The following LMO7 variants were observed in gnomAD, a reference collection of about 807,000 sequenced individuals.
LMO7 encodes the protein LIM domain only protein 7.
LMO7 carries 120 observed loss-of-function variants against 206.5 expected under a neutral mutation model. That is an observed-to-expected ratio of 0.58 (90% CI 0.50 to 0.68). The LOEUF is 0.68. Ranked by LOEUF, LMO7 falls within the 30% of genes least tolerant of loss-of-function variation. The probability of loss-of-function intolerance (pLI) is 0.00; values close to 1 mark genes in which losing one functional copy is unlikely to be tolerated. For synonymous variants in LMO7, 706 were observed against 681.5 expected, an observed-to-expected ratio of 1.04 and a Z score of -0.56; for missense variants, 1,959 against 1,957.9, an observed-to-expected ratio of 1.00 and a Z score of -0.01.
chr13:75,716,479 C>A (rs1349453613), intron 2 of LMO7, among the ~76,000 whole-genome samples: 1 of 151,990 alleles, frequency 6.6e-6, no homozygotes, highest in Non-Finnish European at 1.5e-5. Flanking sequence ...AAGGAATACT[C>A]CCTTGATGAA....
At chr13:75,649,954 C>A (rs2139121616) in intron 1 of LMO7, among the ~76,000 whole-genome samples, 1 of 152,152 alleles carries the variant, frequency 6.6e-6, no homozygotes, top group Admixed American at 6.5e-5. Flanking sequence ...TCTCTTATGT[C>A]CCCAGGGTTT....
chr13:75,775,388 A>G (rs568157543), intron 4 of LMO7, among the ~76,000 whole-genome samples: 9 of 152,276 alleles, frequency 5.9e-5, no homozygotes, highest in Non-Finnish European at 1.2e-4. Flanking sequence ...TCTTCTGGAC[A>G]TTGGTCCAGG....
chr13:75,819,441 C>T lies in LMO7; in HGVS notation c.2113C>T (p.Gln705Ter). The change falls in exon 13 of 31, where the codon CAG becomes TAG. Residue 705 changes from glutamine (Q) to a stop codon, truncating the protein, a stop_gained. Coordinates refer to ENST00000377534, the MANE Select transcript of LMO7 (RefSeq NM_001306080.2). LOFTEE classifies it high-confidence loss of function. ...DRRKSYTSDL[Q>*]KKKEEREEIE... Reference sequence around the variant, plus strand: ...TCGAAAAAGTTACACTTCAGATCTGCAGAAGAAAAAAGAAGAGAGAGAAGA... The same window carrying T: ...TCGAAAAAGTTACACTTCAGATCTGTAGAAGAAAAAAGAAGAGAGAGAAGA... 1 of 1,612,204 alleles carries T rather than the reference C, an allele frequency of 6.2e-7. No homozygotes were observed. The highest frequency in any genetic ancestry group is 8.5e-7 in the Non-Finnish European group (1 of 1,179,474).
chr13:75,717,403 C>T (rs1050171549), intron 2 of LMO7, among the ~76,000 whole-genome samples: 18 of 149,710 alleles, frequency 1.2e-4, no homozygotes, highest in South Asian at 1.1e-3. Context: ...AAAAACACAA[C>T]TCTTCTCTCA....
chr13:75,751,149 CTTTTTTTTTTTTTTTTT>C (rs57976279), intron 3 of LMO7, among the ~76,000 whole-genome samples: 2 of 60,424 alleles, frequency 3.3e-5, no homozygotes, highest in African/African-American at 6.7e-5. Flanking sequence ...TTTTTCAGCT[CTTTTTTTTTTTTTTTTT>C]TTTTTTTTTT....
Position 75,808,280 on chromosome 13 carries a change from G to A in LMO7, c.1916+81G>A, listed in dbSNP as rs150811105. ...TTCTCATGCGAGAAAGCAGCTCATC[G>A]TGTTGCTCAACTCTGCATGTCGCGT... On this transcript the variant is annotated intron_variant, in intron 10 of 30. Transcript: ENST00000377534. 2,663 of 1,434,474 alleles carry A rather than the reference G, an allele frequency of 1.9e-3. 4 individuals are homozygous for A. Among genetic ancestry groups the A allele is most frequent in the Admixed American group, 4.4e-3 (163 of 37,096 alleles). 88.9% of individuals were successfully genotyped at this position (1,434,474 alleles called of 1,614,324 possible).
chr13:75,858,104 G>A lies in LMO7; in HGVS notation c.*161G>A. ...ATTACATAGAAGCATTGTAGTCTTG[G>A]TAGAACCAGTATTTTTGTTGTTTAT... On this transcript the variant is annotated 3_prime_UTR_variant, in exon 31 of 31. Coordinates refer to ENST00000377534, the MANE Select transcript of LMO7 (RefSeq NM_001306080.2). The A allele has an allele frequency of 1.6e-6, 1 of 622,460 alleles. No individual in the cohort carries two copies. The highest frequency in any genetic ancestry group is 2.6e-6 in the Non-Finnish European group (1 of 380,444). The allele number at this position is 622,460 out of a possible 1,614,324, so 38.6% of individuals were successfully genotyped here. A position where few individuals can be genotyped will look rare whatever the true frequency, so the allele number is the denominator to read the frequency against.
chr13:75,835,864 A>C (rs1442567618), intron 18 of LMO7, among the ~76,000 whole-genome samples: 1 of 152,192 alleles, frequency 6.6e-6, no homozygotes, highest in Non-Finnish European at 1.5e-5. Context: ...TCTAAGTATC[A>C]AAGCAATACT....
rs144346673 is a variant in LMO7, at chr13:75,807,121, G to GAACA, written c.1197-336_1197-333dup. 274 of 205,942 alleles carry GAACA rather than the reference G, an allele frequency of 1.3e-3. 1 individual carries two copies. Among genetic ancestry groups the GAACA allele is most frequent in the African/African-American group, 4.0e-3 (176 of 43,576 alleles). 12.8% of individuals were successfully genotyped at this position (205,942 alleles called of 1,614,324 possible). On this transcript the variant is annotated intron_variant, in intron 9 of 30. Transcript: ENST00000377534. ...GGCGACAGAGTGAGACTCTGTCTCA[G>GAACA]AACAAACAAACAAACAAACAAACAA... is the stretch of plus-strand genomic sequence containing the variant.
intron 4 of LMO7, among the ~76,000 whole-genome samples, chr13:75,771,711 T>C (rs2049768119): frequency 6.6e-6 from 1 of 152,012 alleles, no homozygotes; most frequent in Non-Finnish European, 1.5e-5. Flanking sequence ...TGGGAATAAG[T>C]GGTCTTTAAA....
intron 27 of LMO7, among the ~76,000 whole-genome samples, chr13:75,851,526 C>T (rs2060503821): frequency 6.6e-6 from 1 of 152,148 alleles, no homozygotes; most frequent in Non-Finnish European, 1.5e-5. Context: ...CAGCTTCAGT[C>T]TTTCTCCTTA....
At chr13:75,666,297 T>C (rs1444746639) in intron 1 of LMO7, among the ~76,000 whole-genome samples, 1 of 152,248 alleles carries the variant, frequency 6.6e-6, no homozygotes, top group East Asian at 1.9e-4. Flanking sequence ...ACAAAAGTAT[T>C]TTGCAACCTC....
At position 75,636,558 on chromosome 13, in the gene LMO7, G is replaced by C; in HGVS notation, c.-100G>C. On this transcript the variant is annotated 5_prime_UTR_variant, in exon 1 of 31. Coordinates refer to ENST00000377534, the MANE Select transcript of LMO7 (RefSeq NM_001306080.2). Reference sequence around the variant, plus strand: ...GCCGGAGCGGAAGCCGGAGTTGTGGGAGGCCCGCGTGCCCTCCCCGCCCGT... The same window carrying C: ...GCCGGAGCGGAAGCCGGAGTTGTGGCAGGCCCGCGTGCCCTCCCCGCCCGT... 1 of 1,530,912 alleles carries C rather than the reference G, an allele frequency of 6.5e-7. No individual in the cohort carries two copies. Among genetic ancestry groups the C allele is most frequent in the Non-Finnish European group, 8.7e-7 (1 of 1,144,712 alleles). The allele number at this position is 1,530,912 out of a possible 1,614,324, so 94.8% of individuals were successfully genotyped here.
intron 3 of LMO7, among the ~76,000 whole-genome samples, chr13:75,737,783 A>AC (rs2046007679): frequency 2.3e-5 from 1 of 44,282 alleles, no homozygotes; most frequent in Non-Finnish European, 5.2e-5. Context: ...AAAATAAAAT[A>AC]AAAAAAAAAA....
At chr13:75,690,700 T>TA (rs2041395051) in intron 1 of LMO7, among the ~76,000 whole-genome samples, 1 of 152,206 alleles carries the variant, frequency 6.6e-6, no homozygotes, top group South Asian at 2.1e-4. Flanking sequence ...ACTTTACTTA[T>TA]AAAAACAAGT....
intron 4 of LMO7, among the ~76,000 whole-genome samples, chr13:75,780,855 G>C (rs1038423571): frequency 6.6e-6 from 1 of 152,000 alleles, no homozygotes; most frequent in Admixed American, 6.6e-5. Flanking sequence ...CCTTCGTTTG[G>C]GTTCCCTGAC....
At chr13:75,820,860 G>A (rs900608483) in intron 13 of LMO7, among the ~76,000 whole-genome samples, 1 of 152,096 alleles carries the variant, frequency 6.6e-6, no homozygotes, top group Non-Finnish European at 1.5e-5. Context: ...AGCTGGGTGT[G>A]GTGGCGCATG....
chr13:75,841,879 G>A lies in LMO7; in HGVS notation c.3927G>A (p.Lys1309=). 6.2e-7 allele frequency: 1 copy of A among 1,614,084 alleles called. No homozygotes were observed. The highest frequency in any genetic ancestry group is 8.5e-7 in the Non-Finnish European group (1 of 1,179,976). ...EQQLQEEQEQ[K]RLQAEAEEQK... ...AGCTTCAGGAAGAGCAAGAGCAAAA[G>A]CGGCTTCAGGCTGAGGCTGAGGAGC... Residue 1309 remains lysine (K), a synonymous_variant, in exon 24 of 31, where the codon AAG becomes AAA. Transcript: ENST00000377534.
At chr13:75,684,045 G>A (rs1330195322) in intron 1 of LMO7, among the ~76,000 whole-genome samples, 1 of 152,060 alleles carries the variant, frequency 6.6e-6, no homozygotes, top group Non-Finnish European at 1.5e-5. Flanking sequence ...AAAAGGGAGG[G>A]GGGACAGAAT....
Sources: allele counts gnomAD v4.1 joint callset (sites outside exome capture counted in the v4.1 genomes callset), GRCh38; gene constraint gnomAD v4.1.1; transcripts MANE v1.5; gene names NCBI Gene and HGNC (gene_info 2026-07-23, HGNC 2026-07-21).